Variants in SEMA3A observed in about 807,000 individuals in gnomAD.
SEMA3A encodes the protein semaphorin 3A.
A neutral mutation model predicts 97.9 loss-of-function variants in SEMA3A; 29 were observed. The ratio of observed to expected loss-of-function variants is 0.30; its 90% CI spans 0.22 to 0.40. The LOEUF is 0.40. SEMA3A is among the 10% of genes least tolerant of loss of function. SEMA3A has a pLI of 1.00. For synonymous variants in SEMA3A, 321 were observed against 323.7 expected (o/e 0.99, Z 0.09); for missense variants, 763 against 951.3 (o/e 0.80, Z 2.60).
At chr7:84,189,169 C>T (rs1377780457) in intron 1 of SEMA3A, among the ~76,000 whole-genome samples, 2 of 151,822 alleles carry the variant, frequency 1.3e-5, no homozygotes, top group Non-Finnish European at 3.0e-5. Flanking sequence ...TTAAAATAAA[C>T]CTTCACTACA....
At chr7:84,145,060 G>A (rs1430129346) in intron 1 of SEMA3A, among the ~76,000 whole-genome samples, 1 of 151,988 alleles carries the variant, frequency 6.6e-6, no homozygotes, top group East Asian at 1.9e-4. Flanking sequence ...CAATTAGCTC[G>A]ATGACATGCC....
intron 2 of SEMA3A, among the ~76,000 whole-genome samples, chr7:84,362,406 G>A (rs918142703): frequency 6.6e-6 from 1 of 151,838 alleles, no homozygotes; most frequent in Admixed American, 6.6e-5. Flanking sequence ...ATTATTCAGG[G>A]TTTTTATAGT....
chr7:84,130,163 T>TA (rs1264200162), intron 2 of SEMA3A, among the ~76,000 whole-genome samples: 3 of 151,984 alleles, frequency 2.0e-5, no homozygotes, highest in Admixed American at 6.6e-5. Context: ...AAGTCATATA[T>TA]AAAAAAACAG....
intron 4 of SEMA3A, among the ~76,000 whole-genome samples, chr7:84,064,176 A>T (rs1311636698): frequency 6.6e-6 from 1 of 152,118 alleles, no homozygotes; most frequent in Admixed American, 6.6e-5. Context: ...ACTAAGCTTC[A>T]TAAGCGAAGG....
chr7:84,405,546 T>C (rs566849979), intron 1 of SEMA3A, among the ~76,000 whole-genome samples: 1 of 152,156 alleles, frequency 6.6e-6, no homozygotes, highest in South Asian at 2.1e-4. Flanking sequence ...CAAGTAGACG[T>C]AATAGACATC....
rs746524845 is a variant in SEMA3A at position 84,056,008 on chromosome 7, C to A, written c.547+4457G>T. Among the ~76,000 whole-genome samples, 4 of 152,132 alleles carry A rather than the reference C, an allele frequency of 2.6e-5. No individual in the cohort carries two copies. The East Asian group carries it at 7.7e-4, about 29-fold the overall frequency. The stretch of plus-strand genomic sequence containing the variant: ...AGGTGGTTGTGAATACTATACCCTA[C>A]AAGATCTTTAAGGCTCTCCAAAAAA... On this transcript the variant is annotated intron_variant, in intron 5 of 16. Coordinates refer to ENST00000265362, the MANE Select transcript of SEMA3A (RefSeq NM_006080.3).
rs564050248 is a variant in SEMA3A at position 84,358,451 on chromosome 7, G to C, written c.-169+13373C>G. On this transcript the variant is annotated intron_variant, in intron 2 of 3. Coordinates refer to the SEMA3A transcript ENST00000424555. ...TGTCAAAGATCAGATAGTTGTCAAT[G>C]TGTGGTATTATTCCTGAGGGCTCCA... is the stretch of plus-strand genomic sequence containing the variant. Among the ~76,000 whole-genome samples, 279 of 152,182 alleles carry C rather than the reference G, an allele frequency of 1.8e-3. 1 individual carries two copies. The highest frequency in any genetic ancestry group is 2.8e-3 in the Non-Finnish European group (189 of 67,988).
At chr7:84,357,476 T>C (rs13437918) in intron 2 of SEMA3A, among the ~76,000 whole-genome samples, 43,570 of 151,894 alleles carry the variant, frequency 0.29, 6,727 homozygotes, top group African/African-American at 0.38. Context: ...CATCATTTTT[T>C]ATGGCTGCAT....
intron 4 of SEMA3A, among the ~76,000 whole-genome samples, chr7:84,086,517 T>C (rs184637582): frequency 1.9e-4 from 10 of 52,364 alleles, no homozygotes; most frequent in East Asian, 1.4e-3. Context: ...ATATTATATT[T>C]ATATATAATA....
In SEMA3A at chr7:84,339,973, T is replaced by C. The variant is rs77908323; in HGVS notation, c.-169+31851A>G. Among the ~76,000 whole-genome samples the C allele has an allele frequency of 9.6e-3, 1,453 of 152,090 alleles. 46 individuals are homozygous for C. The East Asian group carries it at 0.11, about 12-fold the overall frequency. ...AAATCATCACATAGAAGATTTGAAGTCACTTTAGAAAAAAAACAGTCAGGG... is the reference window on the plus strand; with the variant it reads ...AAATCATCACATAGAAGATTTGAAGCCACTTTAGAAAAAAAACAGTCAGGG... On this transcript the variant is annotated intron_variant, in intron 2 of 3. Coordinates refer to the SEMA3A transcript ENST00000424555.
rs527784594 is a variant in SEMA3A at position 84,490,517 on chromosome 7, T to G, written c.-246+1943A>C. On this transcript the variant is annotated intron_variant, in intron 1 of 3. Transcript: ENST00000424555. ...CTGAAACTTAGGCAAAGGCTATATATTCCATTTGGATAAAGAGTAAAATTT... is the reference window on the plus strand; with the variant it reads ...CTGAAACTTAGGCAAAGGCTATATAGTCCATTTGGATAAAGAGTAAAATTT... Among the ~76,000 whole-genome samples the G allele has an allele frequency of 2.0e-5, 3 of 152,312 alleles. No homozygotes were observed. In the South Asian group the frequency reaches 6.2e-4, roughly 32 times the overall value.
intron 1 of SEMA3A, among the ~76,000 whole-genome samples, chr7:84,449,985 A>G (rs2116362671): frequency 6.6e-6 from 1 of 152,268 alleles, no homozygotes; most frequent in East Asian, 1.9e-4. Context: ...TCATCCATCC[A>G]CATACGTTTG....
At chr7:84,023,500 G>C (rs1361037186) in intron 6 of SEMA3A, among the ~76,000 whole-genome samples, 1 of 152,098 alleles carries the variant, frequency 6.6e-6, no homozygotes, top group African/African-American at 2.4e-5. Flanking sequence ...TTGTAAAAAG[G>C]GTGGAATTAA....
At chr7:84,253,603 G>T (rs991463856) in intron 3 of SEMA3A, among the ~76,000 whole-genome samples, 5 of 152,096 alleles carry the variant, frequency 3.3e-5, no homozygotes, top group African/African-American at 1.2e-4. Flanking sequence ...ATTTAATACA[G>T]GGGGTGCAAA....
intron 2 of SEMA3A, among the ~76,000 whole-genome samples, chr7:84,131,065 C>T (rs1397773102): frequency 2.0e-5 from 3 of 151,686 alleles, no homozygotes; most frequent in African/African-American, 4.8e-5. Flanking sequence ...AATTCTTAGA[C>T]TTAAAAGGGC....
chr7:84,425,020 T>C lies in SEMA3A; in HGVS notation c.-245-53120A>G, dbSNP rs181178697. Reference sequence around the variant, plus strand: ...TTATTTATTTATATATATTATTTATTTATATATAATTATTTATAATTATAT... The same window carrying C: ...TTATTTATTTATATATATTATTTATCTATATATAATTATTTATAATTATAT... On this transcript the variant is annotated intron_variant, in intron 1 of 3. Coordinates refer to the SEMA3A transcript ENST00000424555. Among the ~76,000 whole-genome samples the C allele has an allele frequency of 3.4e-3, 353 of 102,934 alleles. 3 individuals are homozygous for C. The highest frequency in any genetic ancestry group is 0.014 in the Middle Eastern group (1 of 74). The allele number at this position is 102,934 out of a possible 152,430, so 67.5% of individuals were successfully genotyped here. A position where few individuals can be genotyped will look rare whatever the true frequency, so the allele number is the denominator to read the frequency against.
At chr7:84,419,348 C>G (rs993851213) in intron 1 of SEMA3A, among the ~76,000 whole-genome samples, 2 of 152,038 alleles carry the variant, frequency 1.3e-5, no homozygotes, top group African/African-American at 4.8e-5. Flanking sequence ...TGTAGTATAT[C>G]TTAAATGATA....
chr7:84,186,018 T>C (rs1201133272), intron 1 of SEMA3A, among the ~76,000 whole-genome samples: 1 of 152,182 alleles, frequency 6.6e-6, no homozygotes, highest in Non-Finnish European at 1.5e-5. Flanking sequence ...AACTCTACTC[T>C]ATGAAGTTCC....
At chr7:83,980,697 T>C (rs1209798707) in intron 14 of SEMA3A, among the ~76,000 whole-genome samples, 1 of 148,604 alleles carries the variant, frequency 6.7e-6, no homozygotes, top group African/African-American at 2.5e-5. Context: ...CACATATACA[T>C]ATATATTGCA....
Sources: gnomAD v4.1 joint callset for allele counts (sites outside exome capture counted in the v4.1 genomes callset) on GRCh38, gnomAD v4.1.1 for gene constraint, MANE v1.5 for transcripts, NCBI Gene and HGNC (gene_info 2026-07-23, HGNC 2026-07-21) for gene names.